MYOM1: variants seen among roughly 807,000 people sequenced by gnomAD.
MYOM1 encodes the protein myomesin-1.
A neutral mutation model predicts 205.3 loss-of-function variants in MYOM1; 164 were observed. That is an observed-to-expected ratio of 0.80 (90% CI 0.70 to 0.91). The LOEUF is 0.91. Ranked by LOEUF, MYOM1 falls within the 40% of genes least tolerant of loss-of-function variation. MYOM1 has a pLI of 0.00. For missense variants in MYOM1, 2,011 were observed against 2,127.3 expected (o/e 0.95, Z 1.08); for synonymous variants, 772 against 789.4 (o/e 0.98, Z 0.37).
rs1409572870 is a variant in MYOM1, at chr18:3,174,428, A to C, written c.1023-220T>G. Among the ~76,000 whole-genome samples, 3 of 152,128 alleles carry C rather than the reference A, an allele frequency of 2.0e-5. No homozygotes were observed. In the East Asian group the frequency reaches 5.8e-4, roughly 29 times the overall value. Reference sequence around the variant, plus strand: ...CTGCAGTTTCATGCCAGCAGCATAGACTGGGGAGAGAACACCTATAGTTCA... The same window carrying C: ...CTGCAGTTTCATGCCAGCAGCATAGCCTGGGGAGAGAACACCTATAGTTCA... On this transcript the variant is annotated intron_variant, in intron 6 of 37. Coordinates refer to ENST00000356443, the MANE Select transcript of MYOM1 (RefSeq NM_003803.4).
Position 3,205,868 on chromosome 18 carries a change from A to T in MYOM1, c.290+9066T>A, listed in dbSNP as rs539117607. Among the ~76,000 whole-genome samples, 1,285 of 152,312 alleles carry T rather than the reference A, an allele frequency of 8.4e-3. 26 individuals are homozygous for T. Among genetic ancestry groups the T allele is most frequent in the African/African-American group, 0.029 (1,215 of 41,556 alleles). On this transcript the variant is annotated intron_variant, in intron 2 of 37. Transcript: ENST00000356443. ...CAATTTCATTTATTTGACAAAAAAA[A>T]TTATTGAGTATCTACTGTGTGCAAA...
intron 10 of MYOM1, among the ~76,000 whole-genome samples, chr18:3,156,430 T>A (rs75764970): frequency 0.042 from 6,449 of 152,272 alleles, 204 homozygotes; most frequent in Non-Finnish European, 0.062. Flanking sequence ...CTCAAGCCAC[T>A]TGGGTTTTGA....
intron 5 of MYOM1, among the ~76,000 whole-genome samples, chr18:3,183,736 T>C (rs1267808819): frequency 6.6e-6 from 1 of 152,110 alleles, no homozygotes; most frequent in Non-Finnish European, 1.5e-5. Flanking sequence ...AAGCTGCAAT[T>C]GGATACCAAA....
chr18:3,165,351 C>A (rs2080452548), intron 9 of MYOM1, among the ~76,000 whole-genome samples: 4 of 152,154 alleles, frequency 2.6e-5, no homozygotes, highest in Non-Finnish European at 4.4e-5. Flanking sequence ...ACAAGCCGAA[C>A]ATGATTTCAT....
At chr18:3,104,986 T>C (rs1050527789) in intron 22 of MYOM1, among the ~76,000 whole-genome samples, 1 of 152,084 alleles carries the variant, frequency 6.6e-6, no homozygotes. Flanking sequence ...TGAGCTCAAG[T>C]GATCCACCCG....
chr18:3,243,561 T>C, the MYOM1 span, among the ~76,000 whole-genome samples: 1 of 152,198 alleles, frequency 6.6e-6, no homozygotes, highest in East Asian at 1.9e-4. Context: ...ACTTGAACAA[T>C]TGACCAGTTA....
chr18:3,072,027 A>G, intron 36 of MYOM1, 138 bp from the exon 37 acceptor site: 1 of 766,572 alleles, frequency 1.3e-6, no homozygotes, highest in African/African-American at 1.8e-5. Context: ...CAACATGCAA[A>G]AAAAGAAAAT....
Position 3,151,861 on chromosome 18 carries a change from C to T in MYOM1, c.1676G>A (p.Cys559Tyr). Residue 559 changes from cysteine (C) to tyrosine (Y), a missense_variant, in exon 12 of 38, where the codon TGC becomes TAC. Transcript: ENST00000356443. ...CEVGTDSWSQ[C>Y]NDTPVKFARF... ...AGCAAACTTCACAGGTGTGTCATTGCACTGCGACCAGCTATCTGTGCCCAC... is the reference window on the plus strand; with the variant it reads ...AGCAAACTTCACAGGTGTGTCATTGTACTGCGACCAGCTATCTGTGCCCAC... 1 of 1,613,020 alleles carries T rather than the reference C, an allele frequency of 6.2e-7. No individual in the cohort carries two copies. Among genetic ancestry groups the T allele is most frequent in the South Asian group, 1.1e-5 (1 of 90,976 alleles).
At chr18:3,193,361 T>TATACATATATATATATACACACAC (rs904418275) in intron 3 of MYOM1, among the ~76,000 whole-genome samples, 12 of 135,882 alleles carry the variant, frequency 8.8e-5, no homozygotes, top group African/African-American at 3.6e-4. Flanking sequence ...TATATATATA[T>TATACATATATATATATACACACAC]ACACACACAC....
chr18:3,098,410 T>C (rs1313275556), intron 25 of MYOM1, among the ~76,000 whole-genome samples: 1 of 152,160 alleles, frequency 6.6e-6, no homozygotes, highest in Non-Finnish European at 1.5e-5. Context: ...CCTGAGTAGC[T>C]GGGATTACAG....
chr18:3,101,225 T>A (rs1323201891), intron 23 of MYOM1, among the ~76,000 whole-genome samples: 16 of 152,256 alleles, frequency 1.1e-4, no homozygotes, highest in Admixed American at 1.0e-3. Context: ...GCTAGTTTTT[T>A]CTTTGATTTC....
At chr18:3,217,400 C>T (rs2081282203) in intron 1 of MYOM1, among the ~76,000 whole-genome samples, 1 of 152,164 alleles carries the variant, frequency 6.6e-6, no homozygotes. Context: ...AGACAAGTTG[C>T]TATTAACTGA....
At chr18:3,073,664 A>G (rs1044501999) in intron 36 of MYOM1, among the ~76,000 whole-genome samples, 1 of 152,184 alleles carries the variant, frequency 6.6e-6, no homozygotes, top group African/African-American at 2.4e-5. Flanking sequence ...TTATTTCTGA[A>G]TAATGCCTTT....
At chr18:3,151,619 C>A in intron 12 of MYOM1, 75 bp downstream of exon 12, 3 of 1,355,162 alleles carry the variant, frequency 2.2e-6, no homozygotes, top group Non-Finnish European at 3.0e-6. Flanking sequence ...AGAGAAACAA[C>A]CTTGCAATGA....
intron 2 of MYOM1, among the ~76,000 whole-genome samples, chr18:3,201,522 A>G (rs1317454838): frequency 6.6e-6 from 1 of 152,200 alleles, no homozygotes; most frequent in Non-Finnish European, 1.5e-5. Context: ...GTGTACATAC[A>G]CACATACACA....
intron 19 of MYOM1, among the ~76,000 whole-genome samples, chr18:3,122,562 C>A (rs1479580607): frequency 6.6e-6 from 1 of 152,152 alleles, no homozygotes; most frequent in Non-Finnish European, 1.5e-5. Context: ...CCTTCCTGTA[C>A]TATCCTTGTC....
chr18:3,194,939 G>A (rs993299998), intron 2 of MYOM1, among the ~76,000 whole-genome samples: 1 of 150,826 alleles, frequency 6.6e-6, no homozygotes. Flanking sequence ...TATTTTTTAA[G>A]AGCCCCCGTC....
intron 22 of MYOM1, 119 bp downstream of exon 22, chr18:3,112,179 T>G: frequency 1.3e-6 from 1 of 748,994 alleles, no homozygotes; most frequent in Non-Finnish European, 2.2e-6. Flanking sequence ...ACTTATCAAT[T>G]ATATTCAGAT....
At chr18:3,169,625 A>C (rs984344164) in intron 8 of MYOM1, among the ~76,000 whole-genome samples, 4 of 152,222 alleles carry the variant, frequency 2.6e-5, no homozygotes, top group Non-Finnish European at 4.4e-5. Context: ...CACCCCAATT[A>C]AAATGTATCC....
Sources: allele counts gnomAD v4.1 joint callset (sites outside exome capture counted in the v4.1 genomes callset), GRCh38; gene constraint gnomAD v4.1.1; transcripts MANE v1.5; gene names NCBI Gene and HGNC (gene_info 2026-07-23, HGNC 2026-07-21).